RGS6: variants seen among roughly 807,000 people sequenced by gnomAD.
RGS6 encodes the protein regulator of G protein signaling 6.
Under a neutral mutation model 78.5 loss-of-function variants are expected in RGS6, and 30 were observed. The observed-to-expected ratio is 0.38, with a 90% confidence interval of 0.29 to 0.52. The LOEUF (loss-of-function observed/expected upper bound fraction) is 0.52, where lower values mean the gene tolerates loss of function less well. Among genes scored for constraint, RGS6 ranks in the 20% least tolerant of loss-of-function variants. The pLI is 0.85. For missense variants in RGS6, 495 were observed against 609.7 expected (o/e 0.81, Z 1.98); for synonymous variants, 206 against 206.0 (o/e 1.00, Z 0.00).
intron 2 of RGS6, among the ~76,000 whole-genome samples, chr14:72,054,857 A>T (rs1016069157): frequency 2.0e-5 from 3 of 152,192 alleles, no homozygotes; most frequent in African/African-American, 7.2e-5. Context: ...GAACTTTATG[A>T]AGAGGTATCA....
the RGS6 span, among the ~76,000 whole-genome samples, chr14:71,906,501 C>T: frequency 6.6e-6 from 1 of 152,218 alleles, no homozygotes; most frequent in Non-Finnish European, 1.5e-5. Context: ...TTGCTGGTCT[C>T]ACTCTGCCCT....
chr14:72,044,445 G>T (rs948273342), intron 2 of RGS6, among the ~76,000 whole-genome samples: 6 of 152,160 alleles, frequency 3.9e-5, no homozygotes, highest in African/African-American at 1.4e-4. Flanking sequence ...CAAAAAGGGA[G>T]AGGAGAAATG....
At chr14:72,156,691 G>C (rs940082572) in intron 2 of RGS6, among the ~76,000 whole-genome samples, 3 of 151,058 alleles carry the variant, frequency 2.0e-5, no homozygotes, top group African/African-American at 7.3e-5. Context: ...GATGAGATCT[G>C]CTATTTCAGC....
chr14:72,451,754 ATT>A (rs149787891), intron 3 of RGS6, among the ~76,000 whole-genome samples: 1 of 149,308 alleles, frequency 6.7e-6, no homozygotes, highest in Admixed American at 6.7e-5. Flanking sequence ...GAAAAGAACT[ATT>A]TTTTTTTTCT....
At chr14:71,979,297 T>G (rs938861902) in intron 2 of RGS6, among the ~76,000 whole-genome samples, 3 of 148,486 alleles carry the variant, frequency 2.0e-5, no homozygotes, top group East Asian at 2.0e-4. Context: ...ATTTCTTGCC[T>G]TCTGCTAGCT....
At chr14:72,411,782 G>A (rs1341997890) in intron 3 of RGS6, among the ~76,000 whole-genome samples, 1 of 152,174 alleles carries the variant, frequency 6.6e-6, no homozygotes, top group Non-Finnish European at 1.5e-5. Context: ...ATGAAGCGTT[G>A]TTGAATTTTG....
chr14:72,090,407 G>T (rs11623402), intron 2 of RGS6, among the ~76,000 whole-genome samples: 132,327 of 152,116 alleles, frequency 0.87, 57,894 homozygotes, highest in Admixed American at 0.93. Flanking sequence ...CAGCATTGGA[G>T]TCTCACAGGA....
At chr14:72,179,461 G>A (rs905822375) in intron 2 of RGS6, among the ~76,000 whole-genome samples, 1 of 152,196 alleles carries the variant, frequency 6.6e-6, no homozygotes, top group African/African-American at 2.4e-5. Flanking sequence ...TTCCCAACAG[G>A]TGTGGGCAGC....
At chr14:72,611,893 C>T in the RGS6 span, among the ~76,000 whole-genome samples, 1 of 152,128 alleles carries the variant, frequency 6.6e-6, no homozygotes, top group East Asian at 1.9e-4. Context: ...CATATACTTA[C>T]ACCTTCCGTG....
chr14:72,207,959 G>A (rs1463090605), intron 2 of RGS6, among the ~76,000 whole-genome samples: 1 of 152,134 alleles, frequency 6.6e-6, no homozygotes, highest in Non-Finnish European at 1.5e-5. Context: ...AAGTGCCTGG[G>A]GCATAATAAG....
the RGS6 span, among the ~76,000 whole-genome samples, chr14:72,590,032 A>T: frequency 0.81 from 123,563 of 151,804 alleles, 50,480 homozygotes; most frequent in East Asian, 0.86. Context: ...CCAGTAACAC[A>T]TGAAAAGATG....
chr14:72,317,270 GAATT>G (rs977745362), intron 2 of RGS6, among the ~76,000 whole-genome samples: 1 of 151,900 alleles, frequency 6.6e-6, no homozygotes, highest in African/African-American at 2.4e-5. Context: ...AATAATAATA[GAATT>G]ATTTAAGACT....
rs1001021261 is a variant in RGS6, at chr14:72,541,674, C to T, written c.1422+1580C>T. Reference sequence around the variant, plus strand: ...TCTCTTTTGAGGACTGGCTACTGTGCGGGTGGAGGATGGTTAGGGATTTTG... The same window carrying T: ...TCTCTTTTGAGGACTGGCTACTGTGTGGGTGGAGGATGGTTAGGGATTTTG... On this transcript the variant is annotated intron_variant, in intron 17 of 17. Coordinates refer to ENST00000553525, the MANE Select transcript of RGS6 (RefSeq NM_001204424.2). The T allele has an allele frequency of 9.9e-6, 15 of 1,509,520 alleles. No homozygotes were observed. In the East Asian group the frequency reaches 2.2e-4, roughly 22 times the overall value. The allele number at this position is 1,509,520 out of a possible 1,614,324, so 93.5% of individuals were successfully genotyped here. A position where few individuals can be genotyped will look rare whatever the true frequency, so the allele number is the denominator to read the frequency against.
At chr14:72,410,750 G>GTGT (rs1349111481) in intron 3 of RGS6, among the ~76,000 whole-genome samples, 1 of 152,298 alleles carries the variant, frequency 6.6e-6, no homozygotes, top group East Asian at 1.9e-4. Flanking sequence ...TTTGTATAAG[G>GTGT]TGTAAAGGAG....
the RGS6 span, among the ~76,000 whole-genome samples, chr14:71,919,733 C>T: frequency 1.3e-4 from 20 of 152,244 alleles, no homozygotes; most frequent in African/African-American, 4.6e-4. Flanking sequence ...GTGGCTCACA[C>T]CTGTAAGCCT....
chr14:72,278,051 T>G (rs2060972998), intron 2 of RGS6, among the ~76,000 whole-genome samples: 1 of 152,170 alleles, frequency 6.6e-6, no homozygotes, highest in Non-Finnish European at 1.5e-5. Flanking sequence ...GTGGACAGTG[T>G]CCTTTGATAG....
Position 72,564,762 on chromosome 14 carries a change from A to C in RGS6, c.*2295A>C, listed in dbSNP as rs2097702043. On this transcript the variant is annotated 3_prime_UTR_variant, in exon 18 of 18. Coordinates refer to ENST00000553525, the MANE Select transcript of RGS6 (RefSeq NM_001204424.2). ...GGAGATCCCCAGAGGATCTGACCAG[A>C]GCCAGGTGGACTGTGGCCCTGAGAT... 6.6e-6 allele frequency: 1 copy of C among 152,402 alleles called. No individual in the cohort carries two copies. The highest frequency in any genetic ancestry group is 2.4e-5 in the African/African-American group (1 of 41,452). The allele number at this position is 152,402 out of a possible 1,614,324, so 9.4% of individuals were successfully genotyped here.
intron 14 of RGS6, among the ~76,000 whole-genome samples, chr14:72,517,281 G>A (rs372901549): frequency 6.6e-6 from 1 of 152,178 alleles, no homozygotes; most frequent in African/African-American, 2.4e-5. Flanking sequence ...TGTGATTCCC[G>A]CTGCTCTCGG....
intron 2 of RGS6, among the ~76,000 whole-genome samples, chr14:72,034,738 T>G (rs11626629): frequency 0.14 from 21,283 of 152,094 alleles, 1,812 homozygotes; most frequent in Non-Finnish European, 0.18. Flanking sequence ...GAAGAAGTGG[T>G]GCCAATTCTT....
Sources: allele counts gnomAD v4.1 joint callset (sites outside exome capture counted in the v4.1 genomes callset), GRCh38; gene constraint gnomAD v4.1.1; transcripts MANE v1.5; gene names NCBI Gene and HGNC (gene_info 2026-07-23, HGNC 2026-07-21).